SLC38A12: variants seen among roughly 807,000 people sequenced by gnomAD.
SLC38A12 encodes putative sodium-coupled neutral amino acid transporter 12.
At chr17:74,838,585 G>A in the SLC38A12 span, 6 of 1,248,158 alleles carry the variant, frequency 4.8e-6, no homozygotes, top group Non-Finnish European at 6.1e-6. Flanking sequence ...CTGCCCTGGA[G>A]GGAACTGGCC....
the SLC38A12 span, chr17:74,838,949 A>G: frequency 5.9e-6 from 9 of 1,535,774 alleles, no homozygotes; most frequent in South Asian, 1.2e-5. Context: ...CTGGCCCAGG[A>G]GCAGGTGTCG....
the SLC38A12 span, among the ~76,000 whole-genome samples, chr17:74,789,737 C>T: frequency 1.3e-5 from 2 of 148,838 alleles, no homozygotes; most frequent in African/African-American, 5.0e-5. Context: ...CTCAGCTACT[C>T]GGGAGGCTGA....
chr17:74,785,768 C>G, the SLC38A12 span: 1 of 930,292 alleles, frequency 1.1e-6, no homozygotes, highest in South Asian at 1.8e-5. Context: ...GGAAAGTGGT[C>G]ACAGAGGCCT....
At chr17:74,836,222 C>T in the SLC38A12 span, 12 of 1,611,632 alleles carry the variant, frequency 7.4e-6, no homozygotes, top group Middle Eastern at 1.6e-4. The surrounding 1 kb of genome is among the most constrained non-coding windows in gnomAD (Gnocchi z 4.2). Flanking sequence ...CCCTCAACTT[C>T]GCGCGCTGTG....
At chr17:74,799,493 C>A in the SLC38A12 span, among the ~76,000 whole-genome samples, 1 of 152,216 alleles carries the variant, frequency 6.6e-6, no homozygotes, top group Non-Finnish European at 1.5e-5. Flanking sequence ...GAGAGGGATA[C>A]AGCCTGCAAG....
chr17:74,800,786 G>C, the SLC38A12 span, among the ~76,000 whole-genome samples: 1 of 132,690 alleles, frequency 7.5e-6, no homozygotes, highest in African/African-American at 3.0e-5. Context: ...GCAGCGTCCA[G>C]CCCGGGATTG....
the SLC38A12 span, among the ~76,000 whole-genome samples, chr17:74,822,174 C>G: frequency 6.6e-6 from 1 of 152,200 alleles, no homozygotes; most frequent in Admixed American, 6.5e-5. Context: ...CCAGCTGTAT[C>G]CCTGCATCAG....
the SLC38A12 span, chr17:74,795,663 C>A: frequency 1.3e-6 from 2 of 1,565,300 alleles, no homozygotes; most frequent in Non-Finnish European, 1.8e-6. Context: ...GCCGCCTGCC[C>A]CAGCCCAGCC....
At chr17:74,779,604 A>T in the SLC38A12 span, among the ~76,000 whole-genome samples, 1 of 152,190 alleles carries the variant, frequency 6.6e-6, no homozygotes, top group Non-Finnish European at 1.5e-5. Context: ...CACTGAACCC[A>T]GATAAGCTGT....
the SLC38A12 span, among the ~76,000 whole-genome samples, chr17:74,797,114 C>T: frequency 3.3e-5 from 5 of 152,200 alleles, no homozygotes; most frequent in African/African-American, 7.2e-5. Context: ...GCACACTCCC[C>T]GCCCACCAGC....
the SLC38A12 span, among the ~76,000 whole-genome samples, chr17:74,831,904 G>C: frequency 6.6e-6 from 1 of 152,234 alleles, no homozygotes; most frequent in African/African-American, 2.4e-5. Context: ...GCTCCCCATC[G>C]CGCATCCTGG....
the SLC38A12 span, among the ~76,000 whole-genome samples, chr17:74,785,855 T>C: frequency 6.6e-6 from 1 of 152,218 alleles, no homozygotes; most frequent in Non-Finnish European, 1.5e-5. Flanking sequence ...GGCTTTGGAA[T>C]GTTTCACGTG....
At chr17:74,788,967 C>T in the SLC38A12 span, 9 of 1,106,424 alleles carry the variant, frequency 8.1e-6, no homozygotes, top group Admixed American at 4.7e-5. Flanking sequence ...CAGTGCATGG[C>T]GGGCTCTGTC....
chr17:74,795,333 G>A, the SLC38A12 span, among the ~76,000 whole-genome samples: 1 of 152,204 alleles, frequency 6.6e-6, no homozygotes, highest in Non-Finnish European at 1.5e-5. Flanking sequence ...CCCACCAAGG[G>A]CTCCTGAGTC....
At chr17:74,790,309 G>A in the SLC38A12 span, 3 of 1,612,148 alleles carry the variant, frequency 1.9e-6, no homozygotes, top group South Asian at 1.1e-5. Context: ...AAGTCTTGGG[G>A]TTCTCGCGGG....
At chr17:74,807,056 C>T in the SLC38A12 span, among the ~76,000 whole-genome samples, 1 of 152,192 alleles carries the variant, frequency 6.6e-6, no homozygotes, top group Non-Finnish European at 1.5e-5. Context: ...AACTCCCTCA[C>T]GTGGCATGGT....
the SLC38A12 span, among the ~76,000 whole-genome samples, chr17:74,826,161 T>A: frequency 1.3e-5 from 2 of 152,100 alleles, no homozygotes; most frequent in South Asian, 4.1e-4. Context: ...GAATGAAAAA[T>A]TGAGACCCTG....
the SLC38A12 span, chr17:74,795,202 C>A: frequency 2.8e-6 from 3 of 1,064,728 alleles, no homozygotes; most frequent in Non-Finnish European, 1.4e-6. Context: ...AGCACCATGC[C>A]AAGTGAGTTC....
the SLC38A12 span, among the ~76,000 whole-genome samples, chr17:74,795,998 T>TA: frequency 1.5e-4 from 23 of 152,306 alleles, no homozygotes; most frequent in African/African-American, 5.5e-4. Flanking sequence ...ATTTTGACCT[T>TA]ACTCCTGGCC....
Sources: gnomAD v4.1 joint callset for allele counts (sites outside exome capture counted in the v4.1 genomes callset) on GRCh38, gnomAD v4.1.1 for gene constraint, Gnocchi (gnomAD v3.1) non-coding constraint, MANE v1.5 for transcripts, NCBI Gene and HGNC (gene_info 2026-07-23, HGNC 2026-07-21) for gene names.